TBC1D32: variants seen among roughly 807,000 people sequenced by gnomAD.
The protein encoded by TBC1D32 is protein broad-minded.
Under a neutral mutation model 170.3 loss-of-function variants are expected in TBC1D32, and 151 were observed. The observed-to-expected ratio is 0.89, with a 90% CI of 0.78 to 1.01. TBC1D32 has a LOEUF of 1.01. TBC1D32 is among the 50% of genes least tolerant of loss of function. The pLI, the probability that TBC1D32 is intolerant of heterozygous loss-of-function variation, is 0.00. For synonymous variants in TBC1D32, 498 were observed against 488.0 expected, an observed-to-expected ratio of 1.02 and a Z score of -0.27; for missense variants, 1,464 against 1,457.1, an observed-to-expected ratio of 1.00 and a Z score of -0.08.
At chr6:121,169,133 A>G (rs750924743) in intron 22 of TBC1D32, among the ~76,000 whole-genome samples, 29 of 152,234 alleles carry the variant, frequency 1.9e-4, no homozygotes, top group Non-Finnish European at 4.0e-4. Flanking sequence ...CAAAAAGAAC[A>G]AAGCTGGAAG....
At chr6:121,159,664 T>C (rs1785362668) in intron 24 of TBC1D32, among the ~76,000 whole-genome samples, 1 of 151,136 alleles carries the variant, frequency 6.6e-6, no homozygotes, top group Non-Finnish European at 1.5e-5. Context: ...TACAAGTCTA[T>C]ACAGCATGTT....
At chr6:121,100,496 G>A (rs1326549009) in intron 30 of TBC1D32, among the ~76,000 whole-genome samples, 2 of 151,772 alleles carry the variant, frequency 1.3e-5, no homozygotes, top group Non-Finnish European at 2.9e-5. Context: ...TCTTCTTGTT[G>A]AATTGATCCC....
chr6:121,108,724 A>G (rs941521820), intron 29 of TBC1D32, among the ~76,000 whole-genome samples: 1 of 151,894 alleles, frequency 6.6e-6, no homozygotes, highest in Admixed American at 6.6e-5. Flanking sequence ...GAGTCATTTT[A>G]TTCCTGATAT....
chr6:121,289,011 A>G (rs1301696119), intron 12 of TBC1D32, among the ~76,000 whole-genome samples: 4 of 152,340 alleles, frequency 2.6e-5, no homozygotes, highest in African/African-American at 7.2e-5. Flanking sequence ...TCTCAAAATA[A>G]TAAGAGCTAT....
intron 15 of TBC1D32, among the ~76,000 whole-genome samples, chr6:121,274,829 C>CA (rs893622049): frequency 2.0e-5 from 3 of 152,020 alleles, no homozygotes; most frequent in Non-Finnish European, 4.4e-5. Context: ...TGGGAAGGCT[C>CA]AAAAACAGAT....
In TBC1D32 at chr6:121,277,454, C is replaced by T. The variant is rs927642441; in HGVS notation, c.1733+1667G>A. 7.1e-5 allele frequency among the ~76,000 whole-genome samples: 10 copies of T among 139,912 alleles called. No individual in the cohort carries two copies. In the Admixed American group the frequency reaches 7.4e-4, roughly 10 times the overall value. 91.8% of individuals were successfully genotyped at this position (139,912 alleles called of 152,430 possible). On this transcript the variant is annotated intron_variant, in intron 15 of 31. Transcript: ENST00000398212. ...AGTGAGCCAAGATTGTGCTATTGTA[C>T]TCCAGCCTGGGCGACAGAGAAAGAC...
At chr6:121,218,756 T>C (rs550658466) in intron 21 of TBC1D32, among the ~76,000 whole-genome samples, 10 of 152,180 alleles carry the variant, frequency 6.6e-5, no homozygotes, top group Non-Finnish European at 1.2e-4. Context: ...GGAAGAGACA[T>C]GGTGGTAATT....
intron 1 of TBC1D32, among the ~76,000 whole-genome samples, chr6:121,330,257 C>A (rs1019551956): frequency 3.3e-5 from 5 of 152,074 alleles, no homozygotes; most frequent in Non-Finnish European, 7.4e-5. Context: ...TGGTCTTGAA[C>A]TCCTGGTGTT....
At position 121,245,882 on chromosome 6, in the gene TBC1D32, T is replaced by G. The variant is rs142696011; in HGVS notation, c.2019-3543A>C. On this transcript the variant is annotated intron_variant, in intron 17 of 31. Transcript: ENST00000398212. ...AACAGTTGTGAGGCTGTAAGGTGGATAGATTTCCTGCTGGCCTGGGAGGGA... is the reference window on the plus strand; with the variant it reads ...AACAGTTGTGAGGCTGTAAGGTGGAGAGATTTCCTGCTGGCCTGGGAGGGA... 8.5e-5 allele frequency among the ~76,000 whole-genome samples: 13 copies of G among 152,254 alleles called. No individual in the cohort carries two copies. The East Asian group carries it at 2.5e-3, about 29-fold the overall frequency.
intron 31 of TBC1D32, among the ~76,000 whole-genome samples, chr6:121,083,757 T>C (rs1449059514): frequency 6.6e-6 from 1 of 152,146 alleles, no homozygotes; most frequent in Non-Finnish European, 1.5e-5. Flanking sequence ...AGTTACTAGA[T>C]GTATGAACTT....
chr6:121,086,465 T>C (rs935913180), intron 31 of TBC1D32, among the ~76,000 whole-genome samples: 11 of 152,122 alleles, frequency 7.2e-5, no homozygotes, highest in Admixed American at 7.2e-4. Context: ...TTCAATCAGA[T>C]TTTCTCAGTC....
At chr6:121,228,296 T>G (rs532198361) in intron 20 of TBC1D32, among the ~76,000 whole-genome samples, 1 of 152,120 alleles carries the variant, frequency 6.6e-6, no homozygotes, top group Non-Finnish European at 1.5e-5. Flanking sequence ...TTATTTCCCT[T>G]GTTGTATTGG....
chr6:121,153,264 T>G (rs1172712533), intron 24 of TBC1D32, among the ~76,000 whole-genome samples: 1 of 152,190 alleles, frequency 6.6e-6, no homozygotes, highest in East Asian at 1.9e-4. Flanking sequence ...TCTGCACATC[T>G]GCTGGAGTTT....
At chr6:121,102,534 A>G (rs879275463) in intron 30 of TBC1D32, among the ~76,000 whole-genome samples, 1 of 152,216 alleles carries the variant, frequency 6.6e-6, no homozygotes, top group African/African-American at 2.4e-5. Flanking sequence ...CTGGCTAGCC[A>G]TATGTAGAAA....
At chr6:121,154,802 G>T (rs1784667243) in intron 24 of TBC1D32, among the ~76,000 whole-genome samples, 1 of 152,046 alleles carries the variant, frequency 6.6e-6, no homozygotes, top group Admixed American at 6.6e-5. Flanking sequence ...TCTGAAAAAG[G>T]TCTAATAGTA....
intron 25 of TBC1D32, among the ~76,000 whole-genome samples, chr6:121,126,925 A>G (rs1780920319): frequency 6.6e-6 from 1 of 152,166 alleles, no homozygotes; most frequent in Admixed American, 6.5e-5. Context: ...AAGGCAACCA[A>G]TATCAAAAGA....
At chr6:121,178,682 T>C (rs373506784) in intron 22 of TBC1D32, among the ~76,000 whole-genome samples, 1 of 152,220 alleles carries the variant, frequency 6.6e-6, no homozygotes. Flanking sequence ...CAATGGAGTA[T>C]GGTATAGGTG....
At chr6:121,141,030 T>C (rs775028496) in intron 24 of TBC1D32, among the ~76,000 whole-genome samples, 1 of 152,190 alleles carries the variant, frequency 6.6e-6, no homozygotes, top group Non-Finnish European at 1.5e-5. Flanking sequence ...CAGCATTGAT[T>C]ATTTACTTTT....
chr6:121,091,047 AAAAAAAAAAGTAG>A lies in TBC1D32; in HGVS notation c.3466-19_3466-7del, dbSNP rs779996106. On this transcript the variant is annotated splice_polypyrimidine_tract_variant and splice_region_variant and intron_variant, in intron 30 of 31. Transcript: ENST00000398212. Reference sequence around the variant, plus strand: ...GTTATCCATTGCAGGCAAATCTTTAAAAAAAAAAAGTAGTAAGTTCATTAAAAAATTTATAAAA... The same window carrying A: ...GTTATCCATTGCAGGCAAATCTTTAATAAGTTCATTAAAAAATTTATAAAA... The A allele has an allele frequency of 6.4e-7, 1 of 1,567,246 alleles. No homozygotes were observed. The highest frequency in any genetic ancestry group is 2.3e-5 in the East Asian group (1 of 44,364).
Sources: allele counts gnomAD v4.1 joint callset (sites outside exome capture counted in the v4.1 genomes callset), GRCh38; gene constraint gnomAD v4.1.1; transcripts MANE v1.5; gene names NCBI Gene and HGNC (gene_info 2026-07-23, HGNC 2026-07-21).